Variants in RPL30 observed in about 807,000 individuals in gnomAD.
RPL30 encodes the protein ribosomal protein L30.
For synonymous variants in RPL30, 40 were observed against 50.4 expected, an observed-to-expected ratio of 0.79 and a Z score of 0.87; for missense variants, 60 against 138.0, an observed-to-expected ratio of 0.43 and a Z score of 2.83.
intron 3 of RPL30, 174 bp downstream of exon 3, chr8:98,044,769 A>G (rs1413383087): frequency 3.1e-6 from 2 of 652,456 alleles, no homozygotes; most frequent in Non-Finnish European, 5.2e-6. Flanking sequence ...AGGGGAGCAC[A>G]CGATTTGGGG....
In RPL30 at chr8:98,044,988, C is replaced by A; in HGVS notation, c.122G>T (p.Gly41Val). The A allele has an allele frequency of 6.2e-7, 1 of 1,614,060 alleles. No individual in the cohort carries two copies. The highest frequency in any genetic ancestry group is 1.3e-5 in the African/African-American group (1 of 74,994). ...YKQTLKMIRQ[G>V]KAKLVILANN... ...AGCGAGAATGACCAATTTCGCTTTG[C>A]CTTGTCTGATCATCTTCAGAGTCTG... The change falls in exon 3 of 5, where the codon GGC (glycine) becomes GTC (valine). Residue 41 changes from glycine (G) to valine (V), a missense_variant. Gly to Val is a moderately radical substitution (Grantham distance 109). Coordinates refer to ENST00000287038, the MANE Select transcript of RPL30 (RefSeq NM_000989.4).
intron 3 of RPL30, chr8:98,044,386 C>G (rs945307136): frequency 6.6e-6 from 1 of 152,486 alleles, no homozygotes; most frequent in Non-Finnish European, 1.5e-5. Context: ...AGAAAATTTG[C>G]TCACATAGCT....
intron 2 of RPL30, 58 bp from the exon 3 acceptor site, chr8:98,045,146 C>T: frequency 1.9e-6 from 3 of 1,585,234 alleles, no homozygotes; most frequent in South Asian, 1.1e-5. Flanking sequence ...GCCTCAAAAC[C>T]GGACCCAGCT....
chr8:98,044,193 G>C (rs906350911), intron 3 of RPL30: 1 of 152,260 alleles, frequency 6.6e-6, no homozygotes, highest in African/African-American at 2.4e-5. Context: ...CATCACCCAT[G>C]TGACTCCTTT....
chr8:98,043,133 CTTTT>C (rs898172381), intron 3 of RPL30: 1 of 153,842 alleles, frequency 6.5e-6, no homozygotes, highest in South Asian at 2.0e-4. Flanking sequence ...GTATTATGTA[CTTTT>C]TTTTTTGAGA....
At position 98,045,489 on chromosome 8, in the gene RPL30, T is replaced by C. The variant is rs1814460255; in HGVS notation, c.-33+19A>G. 1 of 1,149,224 alleles carries C rather than the reference T, an allele frequency of 8.7e-7. No individual in the cohort carries two copies. Among genetic ancestry groups the C allele is most frequent in the Non-Finnish European group, 1.3e-6 (1 of 775,204 alleles). The allele number at this position is 1,149,224 out of a possible 1,614,324, so 71.2% of individuals were successfully genotyped here. ...GCTCCCCGCGCTGCCTAAACCTCGG[T>C]CGGTAGGAGCCCACTCACCAACAGC... On this transcript the variant is annotated intron_variant, in intron 1 of 4. Transcript: ENST00000287038.
At chr8:98,043,529 T>A (rs1032158776) in intron 3 of RPL30, 2 of 148,652 alleles carry the variant, frequency 1.3e-5, no homozygotes, top group Admixed American at 6.7e-5. Context: ...TCTATCACCA[T>A]CCCCTCAGTG....
At chr8:98,043,204 G>C (rs1814411731) in intron 3 of RPL30, 1 of 152,442 alleles carries the variant, frequency 6.6e-6, no homozygotes, top group Admixed American at 6.5e-5. Context: ...TCAGCTCACT[G>C]CAACTTCCAC....
At chr8:98,043,540 C>T (rs1305079319) in intron 3 of RPL30, 2 of 151,472 alleles carry the variant, frequency 1.3e-5, no homozygotes, top group Admixed American at 6.6e-5. Flanking sequence ...CCCCTCAGTG[C>T]CCAGAATTCC....
intron 4 of RPL30, 67 bp downstream of exon 4, chr8:98,042,578 A>C: frequency 6.9e-7 from 1 of 1,441,844 alleles, no homozygotes; most frequent in African/African-American, 1.4e-5. Context: ...CGTAGTAAGA[A>C]ATACTTGTCC....
chr8:98,042,181 G>C lies in RPL30; in HGVS notation c.299-331C>G, dbSNP rs541000389. 2.2e-4 allele frequency: 128 copies of C among 572,652 alleles called. 2 individuals are homozygous for C. Among genetic ancestry groups the C allele is most frequent in the South Asian group, 1.7e-3 (121 of 71,668 alleles). The allele number at this position is 572,652 out of a possible 1,614,324, so 35.5% of individuals were successfully genotyped here. ...ATATAGCGAATGTTTAGCCTGTCCT[G>C]ACTATTACAAAATCAGAACAGCGAG... On this transcript the variant is annotated intron_variant, in intron 4 of 4. Coordinates refer to ENST00000287038, the MANE Select transcript of RPL30 (RefSeq NM_000989.4).
chr8:98,043,389 G>T (rs1188776624), intron 3 of RPL30: 3 of 149,108 alleles, frequency 2.0e-5, no homozygotes, highest in African/African-American at 7.4e-5. Context: ...GCCTCCCAAA[G>T]TGCTGGGATT....
At chr8:98,042,008 T>C (rs1338168210) in intron 4 of RPL30, 158 bp from the exon 5 acceptor site, 1 of 719,976 alleles carries the variant, frequency 1.4e-6, no homozygotes, top group Non-Finnish European at 2.5e-6. Context: ...GTACTGTCAT[T>C]TTTCTTAAGG....
In RPL30 at chr8:98,041,816, C is replaced by G; in HGVS notation, c.333G>C (p.Gln111His). Residue 111 changes from glutamine (Q) to histidine (H), a missense_variant, in exon 5 of 5, where the codon CAG (glutamine) becomes CAC (histidine). Gln to His is a conservative substitution (Grantham distance 24). Coordinates refer to ENST00000287038, the MANE Select transcript of RPL30 (RefSeq NM_000989.4). ...DSDIIRSMPEQTGEK is the reference protein window; with the variant it reads ...DSDIIRSMPEHTGEK Reference sequence around the variant, plus strand: ...GTGAAAAGGTTTACTTTTCACCAGTCTGTTCTGGCATGCTTCTAATGATGT... The same window carrying G: ...GTGAAAAGGTTTACTTTTCACCAGTGTGTTCTGGCATGCTTCTAATGATGT... 6.2e-7 allele frequency: 1 copy of G among 1,602,822 alleles called. No homozygotes were observed. The highest frequency in any genetic ancestry group is 8.5e-7 in the Non-Finnish European group (1 of 1,175,530).
At chr8:98,042,937 C>A in intron 3 of RPL30, 162 bp from the exon 4 acceptor site, 1 of 614,532 alleles carries the variant, frequency 1.6e-6, no homozygotes, top group Non-Finnish European at 2.6e-6. Flanking sequence ...CCAATACAAA[C>A]CAACATTTGT....
rs373678026 is a variant in RPL30 at position 98,042,109 on chromosome 8, C to A, written c.299-259G>T. On this transcript the variant is annotated intron_variant, in intron 4 of 4. Transcript: ENST00000287038. ...TGGTTTATCACCAGCATTTATAAAA[C>A]CAGACCTAGGGAAAGAACTAGGTTT... is the stretch of plus-strand genomic sequence containing the variant. 69 of 648,592 alleles carry A rather than the reference C, an allele frequency of 1.1e-4. 3 individuals are homozygous for A. The East Asian group carries it at 2.1e-3, about 20-fold the overall frequency. 40.2% of individuals were successfully genotyped at this position (648,592 alleles called of 1,614,324 possible). A position where few individuals can be genotyped will look rare whatever the true frequency, so the allele number is the denominator to read the frequency against.
intron 3 of RPL30, chr8:98,044,556 T>A (rs894588522): frequency 3.9e-5 from 7 of 179,726 alleles, no homozygotes; most frequent in Non-Finnish European, 7.0e-5. Flanking sequence ...CAGCCTCAAC[T>A]TTTCTTACCT....
chr8:98,042,884 T>C lies in RPL30; in HGVS notation c.168-109A>G, dbSNP rs1017047574. ...TAATGTTGTTAAGGCCTTCAAAAAG[T>C]AACAAAATCACATATTACTCTTAAA... On this transcript the variant is annotated intron_variant, in intron 3 of 4. Coordinates refer to ENST00000287038, the MANE Select transcript of RPL30 (RefSeq NM_000989.4). 8 of 1,013,958 alleles carry C rather than the reference T, an allele frequency of 7.9e-6. No individual in the cohort carries two copies. The African/African-American group carries it at 1.3e-4, about 17-fold the overall frequency. 62.8% of individuals were successfully genotyped at this position (1,013,958 alleles called of 1,614,324 possible). A position where few individuals can be genotyped will look rare whatever the true frequency, so the allele number is the denominator to read the frequency against.
intron 3 of RPL30, chr8:98,044,241 G>A (rs773436544): frequency 3.9e-5 from 6 of 152,240 alleles, no homozygotes; most frequent in African/African-American, 9.6e-5. Context: ...ATAGAAGACA[G>A]GCTTTAAAGA....
Sources: gnomAD v4.1 joint callset for allele counts on GRCh38, gnomAD v4.1.1 for gene constraint, MANE v1.5 for transcripts, NCBI Gene and HGNC (gene_info 2026-07-23, HGNC 2026-07-21) for gene names.